LRMDA: variants seen among roughly 807,000 people sequenced by gnomAD.
LRMDA encodes the protein leucine-rich melanocyte differentiation-associated protein.
Under a neutral mutation model 29.8 loss-of-function variants are expected in LRMDA, and 18 were observed. The ratio of observed to expected loss-of-function variants is 0.60; its 90% CI spans 0.42 to 0.90. LRMDA has a LOEUF of 0.90. Among genes scored for constraint, LRMDA ranks in the 40% least tolerant of loss-of-function variants. The pLI, the probability that LRMDA is intolerant of heterozygous loss-of-function variation, is 0.00. For missense variants in LRMDA, 273 were observed against 273.9 expected (o/e 1.00, Z 0.02); for synonymous variants, 125 against 109.4 (o/e 1.14, Z -0.89).
chr10:76,035,764 C>CT (rs1227918941), intron 2 of LRMDA, among the ~76,000 whole-genome samples: 18 of 152,178 alleles, frequency 1.2e-4, no homozygotes, highest in Admixed American at 9.8e-4. Context: ...TGGCTACTCA[C>CT]TAAGTGACCC....
At chr10:76,295,603 T>A (rs1840401726) in intron 5 of LRMDA, among the ~76,000 whole-genome samples, 1 of 152,208 alleles carries the variant, frequency 6.6e-6, no homozygotes, top group Non-Finnish European at 1.5e-5. Context: ...TTTGTGGTAG[T>A]GTCACGGACA....
At chr10:76,365,206 G>A (rs531188055) in intron 6 of LRMDA, among the ~76,000 whole-genome samples, 1 of 151,186 alleles carries the variant, frequency 6.6e-6, no homozygotes, top group African/African-American at 2.4e-5. Context: ...TTGTGCTCCT[G>A]TAAACATGCA....
intron 2 of LRMDA, among the ~76,000 whole-genome samples, chr10:75,802,335 GCACACACACACACACACA>G (rs10571839): frequency 1.4e-5 from 2 of 147,042 alleles, no homozygotes; most frequent in Non-Finnish European, 3.0e-5. Flanking sequence ...ACACACACGC[GCACACACACACACACACA>G]CACACACACA....
intron 2 of LRMDA, among the ~76,000 whole-genome samples, chr10:75,550,505 T>C (rs1840129146): frequency 6.6e-6 from 1 of 152,134 alleles, no homozygotes; most frequent in Non-Finnish European, 1.5e-5. Flanking sequence ...GTAATGTTTG[T>C]GTTGTATCTA....
At chr10:76,455,086 G>C (rs1842444121) in intron 6 of LRMDA, among the ~76,000 whole-genome samples, 1 of 152,136 alleles carries the variant, frequency 6.6e-6, no homozygotes, top group African/African-American at 2.4e-5. Context: ...TTTAGATGAA[G>C]TCTGCAGGAG....
At chr10:75,631,200 T>C (rs1187642805) in intron 2 of LRMDA, among the ~76,000 whole-genome samples, 4 of 151,466 alleles carry the variant, frequency 2.6e-5, no homozygotes, top group Non-Finnish European at 5.9e-5. Flanking sequence ...GCCCAGAGAG[T>C]TTTTAACATG....
At chr10:75,961,626 T>C (rs1846767860) in intron 2 of LRMDA, among the ~76,000 whole-genome samples, 1 of 152,182 alleles carries the variant, frequency 6.6e-6, no homozygotes. Flanking sequence ...GTATAGTAAG[T>C]CATCCTTGAA....
At chr10:76,443,463 T>C (rs1842324266) in intron 6 of LRMDA, among the ~76,000 whole-genome samples, 1 of 152,198 alleles carries the variant, frequency 6.6e-6, no homozygotes, top group Non-Finnish European at 1.5e-5. Context: ...GCGGATTAGA[T>C]AATGGTAGTT....
chr10:75,669,109 C>A (rs1201782976), intron 2 of LRMDA, among the ~76,000 whole-genome samples: 1 of 152,178 alleles, frequency 6.6e-6, no homozygotes, highest in East Asian at 1.9e-4. Flanking sequence ...CCATATTTAG[C>A]CCCTTATGTT....
chr10:75,766,246 C>T (rs1843163814), intron 2 of LRMDA, among the ~76,000 whole-genome samples: 1 of 152,178 alleles, frequency 6.6e-6, no homozygotes, highest in South Asian at 2.1e-4. Flanking sequence ...AGTAGGTCCT[C>T]TATAAACAGG....
intron 2 of LRMDA, among the ~76,000 whole-genome samples, chr10:75,760,018 A>G (rs927692149): frequency 1.1e-4 from 16 of 152,350 alleles, no homozygotes; most frequent in African/African-American, 3.6e-4. Context: ...TATATTTTTC[A>G]GTCACCGCTT....
intron 2 of LRMDA, among the ~76,000 whole-genome samples, chr10:75,618,764 A>G (rs1004526317): frequency 8.0e-6 from 1 of 124,558 alleles, no homozygotes; most frequent in Non-Finnish European, 1.6e-5. Context: ...TAAGGAAGAG[A>G]AAATTATTTA....
In LRMDA at chr10:75,591,195, C is replaced by G. The variant is rs187480520; in HGVS notation, c.131+152701C>G. Among the ~76,000 whole-genome samples, 102 of 152,274 alleles carry G rather than the reference C, an allele frequency of 6.7e-4. 1 individual carries two copies. The highest frequency in any genetic ancestry group is 2.9e-3 in the Admixed American group (44 of 15,300). On this transcript the variant is annotated intron_variant, in intron 2 of 6. Coordinates refer to ENST00000611255, the MANE Select transcript of LRMDA (RefSeq NM_001305581.2). ...GCAACACAGTGAGACATCATCTCTACAAAACCAAAAAGCCAAAAAACAAAA... is the reference window on the plus strand; with the variant it reads ...GCAACACAGTGAGACATCATCTCTAGAAAACCAAAAAGCCAAAAAACAAAA...
intron 5 of LRMDA, among the ~76,000 whole-genome samples, chr10:76,171,093 A>T (rs867305697): frequency 6.6e-6 from 1 of 152,210 alleles, no homozygotes; most frequent in South Asian, 2.1e-4. Context: ...CTGAGCAGCT[A>T]TATCTGTGCC....
chr10:75,702,932 CA>C (rs1435145814), intron 2 of LRMDA, among the ~76,000 whole-genome samples: 1 of 152,144 alleles, frequency 6.6e-6, no homozygotes, highest in Admixed American at 6.5e-5. Flanking sequence ...ATATCAGCCC[CA>C]ACATCTGAAA....
chr10:75,625,700 A>G (rs1167498133), intron 2 of LRMDA, among the ~76,000 whole-genome samples: 1 of 152,160 alleles, frequency 6.6e-6, no homozygotes, highest in African/African-American at 2.4e-5. Context: ...TCCTTTCTGT[A>G]AAATACTTCA....
intron 2 of LRMDA, among the ~76,000 whole-genome samples, chr10:75,848,321 T>C (rs1844675971): frequency 6.6e-6 from 1 of 152,198 alleles, no homozygotes; most frequent in Non-Finnish European, 1.5e-5. Context: ...TACTGTATGA[T>C]TCCACTTGTA....
chr10:75,763,553 C>T (rs1032223447), intron 2 of LRMDA, among the ~76,000 whole-genome samples: 1 of 152,144 alleles, frequency 6.6e-6, no homozygotes, highest in South Asian at 2.1e-4. Flanking sequence ...AAAAGAATAA[C>T]GGCTTTATTA....
intron 2 of LRMDA, among the ~76,000 whole-genome samples, chr10:75,748,476 T>G (rs1417216419): frequency 6.6e-6 from 1 of 152,230 alleles, no homozygotes; most frequent in Non-Finnish European, 1.5e-5. Context: ...GAACTCATTA[T>G]ATGTTCTTTT....
Sources: allele counts gnomAD v4.1 joint callset (sites outside exome capture counted in the v4.1 genomes callset), GRCh38; gene constraint gnomAD v4.1.1; transcripts MANE v1.5; gene names NCBI Gene and HGNC (gene_info 2026-07-23, HGNC 2026-07-21).